PTHLH: variants seen among roughly 807,000 people sequenced by gnomAD.
PTHLH encodes parathyroid hormone like hormone, also known as parathyroid hormone-related protein.
Under a neutral mutation model 18.6 loss-of-function variants are expected in PTHLH, and 5 were observed. That is an observed-to-expected ratio of 0.27 (90% confidence interval 0.14 to 0.56). The LOEUF (loss-of-function observed/expected upper bound fraction) is 0.56. Ranked by LOEUF, PTHLH falls within the 20% of genes least tolerant of loss-of-function variation. The pLI is 0.92. For synonymous variants in PTHLH, 90 were observed against 94.0 expected (o/e 0.96, Z 0.25); for missense variants, 207 against 223.9 (o/e 0.92, Z 0.48).
rs2062729018 is a variant in PTHLH, at chr12:27,958,413, T to C, written c.*146A>G. On this transcript the variant is annotated 3_prime_UTR_variant, in exon 6 of 6. Transcript: ENST00000545234. ...AAAAAAAAATATTCACAATGACCAA[T>C]GTGCAGTTTCATAGAGCAATGGGGG... 6.6e-6 allele frequency: 4 copies of C among 608,084 alleles called. No homozygotes were observed. The highest frequency in any genetic ancestry group is 6.4e-4 in the Middle Eastern group (2 of 3,114). The allele number at this position is 608,084 out of a possible 1,614,324, so 37.7% of individuals were successfully genotyped here.
intron 4 of PTHLH, among the ~76,000 whole-genome samples, chr12:27,966,440 C>G (rs1166692979): frequency 6.6e-6 from 1 of 152,202 alleles, no homozygotes; most frequent in Non-Finnish European, 1.5e-5. Context: ...AAGAATGAAT[C>G]TCTCACTAGG....
chr12:27,963,371 T>C lies in PTHLH; in HGVS notation c.501A>G (p.Thr167=), dbSNP rs758847121. 1.2e-6 allele frequency: 2 copies of C among 1,614,074 alleles called. No individual in the cohort carries two copies. The highest frequency in any genetic ancestry group is 2.7e-5 in the African/African-American group (2 of 74,932). The stretch of plus-strand genomic sequence containing the variant: ...ACCGTGAATCGAGCTCCAGCGACGT[T>C]GTGGAGGTGTCAGACAGGTGGTCCC... ...LEGDHLSDTS[T]TSLELDSRRH Residue 167 remains threonine (T), a synonymous_variant, in exon 5 of 6, where the codon ACA becomes ACG. Transcript: ENST00000545234.
intron 5 of PTHLH, among the ~76,000 whole-genome samples, chr12:27,959,473 C>A (rs571449388): frequency 6.6e-6 from 1 of 151,846 alleles, no homozygotes. Context: ...GATGGGTTAG[C>A]GGAGTTTTCT....
intron 2 of PTHLH, 129 bp from the exon 3 acceptor site, chr12:27,970,396 C>G (rs1349672329): frequency 6.8e-6 from 1 of 148,058 alleles, no homozygotes. Context: ...CCCGAACGGG[C>G]CCCGCGCCGC....
chr12:27,964,709 A>C (rs960935009), intron 4 of PTHLH, among the ~76,000 whole-genome samples: 1 of 152,160 alleles, frequency 6.6e-6, no homozygotes, highest in Non-Finnish European at 1.5e-5. Context: ...CTAGGAAAAA[A>C]TATAAAGGAT....
intron 5 of PTHLH, among the ~76,000 whole-genome samples, chr12:27,960,924 C>G (rs953477741): frequency 6.6e-6 from 1 of 151,856 alleles, no homozygotes; most frequent in African/African-American, 2.4e-5. Context: ...TTGCATGGCC[C>G]CATACATTCT....
Position 27,963,565 on chromosome 12 carries a change from A to G in PTHLH, c.307T>C (p.Tyr103His), listed in dbSNP as rs1389343089. 6.2e-7 allele frequency: 1 copy of G among 1,614,010 alleles called. No homozygotes were observed. The highest frequency in any genetic ancestry group is 2.2e-5 in the East Asian group (1 of 44,886). Residue 103 changes from tyrosine to histidine, a missense_variant, in exon 5 of 6, where the codon TAC (tyrosine) becomes CAC (histidine). Coordinates refer to ENST00000545234, the MANE Select transcript of PTHLH (RefSeq NM_198965.2). ...VRFGSDDEGR[Y>H]LTQETNKVET... Reference sequence around the variant, plus strand: ...ACCTTGTTAGTTTCCTGAGTTAGGTATCTGCCCTCATCATCAGACCCAAAT... The same window carrying G: ...ACCTTGTTAGTTTCCTGAGTTAGGTGTCTGCCCTCATCATCAGACCCAAAT...
At chr12:27,961,276 C>CATATATATATGTATATATATATATACGT in intron 5 of PTHLH, among the ~76,000 whole-genome samples, 1 of 52,756 alleles carries the variant, frequency 1.9e-5, no homozygotes, top group Non-Finnish European at 4.0e-5. Context: ...TTTTATAACT[C>CATATATATATGTATATATATATATACGT]ATATATATAC....
At chr12:27,966,417 T>C (rs1245524236) in intron 4 of PTHLH, among the ~76,000 whole-genome samples, 2 of 152,212 alleles carry the variant, frequency 1.3e-5, no homozygotes, top group Non-Finnish European at 2.9e-5. Flanking sequence ...ACTTCTGCAA[T>C]TAAAGTATTG....
intron 4 of PTHLH, among the ~76,000 whole-genome samples, chr12:27,967,819 T>C (rs542653262): frequency 1.1e-4 from 17 of 152,318 alleles, no homozygotes; most frequent in African/African-American, 3.8e-4. Flanking sequence ...GTGTGTTTTG[T>C]AAGGTGCAAC....
At chr12:27,969,153 C>G (rs914509369) in intron 4 of PTHLH, 2 of 548,568 alleles carry the variant, frequency 3.6e-6, no homozygotes, top group Admixed American at 6.2e-5. Flanking sequence ...GTGAAACGCT[C>G]CCTCTTATGG....
intron 5 of PTHLH, among the ~76,000 whole-genome samples, chr12:27,961,334 C>CGTATATATATATACGTATATATATACG (rs1179427224): frequency 1.9e-5 from 2 of 103,658 alleles, no homozygotes; most frequent in African/African-American, 7.5e-5. Flanking sequence ...TATATATATA[C>CGTATATATATATACGTATATATATACG]TTTTTGCCTC....
chr12:27,961,964 CT>C (rs377014358), intron 5 of PTHLH: 14,994 of 474,672 alleles, frequency 0.032, 1 homozygote, highest in South Asian at 0.05. Flanking sequence ...TGTTGTTTTC[CT>C]TTTTTTTTTT....
chr12:27,961,756 C>A (rs1284755996), intron 5 of PTHLH: 1 of 528,502 alleles, frequency 1.9e-6, no homozygotes, highest in African/African-American at 2.0e-5. Flanking sequence ...ACTACTTATC[C>A]CATATGATTG....
chr12:27,963,105 G>A (rs1283947194), intron 5 of PTHLH: 5 of 1,406,426 alleles, frequency 3.6e-6, no homozygotes, highest in Middle Eastern at 2.6e-4. Flanking sequence ...TTGGGTGACG[G>A]TGGAGAAAGA....
intron 1 of PTHLH, among the ~76,000 whole-genome samples, chr12:27,972,312 T>A (rs993794979): frequency 3.9e-5 from 6 of 152,208 alleles, no homozygotes; most frequent in African/African-American, 1.4e-4. Context: ...TGATTTATGT[T>A]GCTTTTTCTA....
At chr12:27,962,823 TTTAA>T (rs2062773296) in intron 5 of PTHLH, 1 of 969,436 alleles carries the variant, frequency 1.0e-6, no homozygotes, top group Admixed American at 6.1e-5. Context: ...AAATTTGAGA[TTTAA>T]TTAAATACAT....
chr12:27,961,164 C>T (rs953477862), intron 5 of PTHLH, among the ~76,000 whole-genome samples: 10 of 150,962 alleles, frequency 6.6e-5, no homozygotes, highest in Admixed American at 4.6e-4. Context: ...TAGTTCCAGG[C>T]GTAAGAATTG....
chr12:27,969,897 C>G (rs1199447753), intron 3 of PTHLH, 128 bp downstream of exon 3: 2 of 521,500 alleles, frequency 3.8e-6, no homozygotes, highest in African/African-American at 3.8e-5. Context: ...GTTCGTGGAA[C>G]AGGGCTAACC....
Sources: allele counts gnomAD v4.1 joint callset (sites outside exome capture counted in the v4.1 genomes callset), GRCh38; gene constraint gnomAD v4.1.1; transcripts MANE v1.5; gene names NCBI Gene and HGNC (gene_info 2026-07-23, HGNC 2026-07-21).